The following GRID2 variants were observed in gnomAD, a reference collection of about 807,000 sequenced individuals.
GRID2 encodes the protein glutamate receptor ionotropic, delta-2.
Under a neutral mutation model 114.8 loss-of-function variants are expected in GRID2, and 33 were observed. That is an observed-to-expected ratio of 0.29 (90% CI 0.22 to 0.38). The LOEUF (loss-of-function observed/expected upper bound fraction) is 0.38. Ranked by LOEUF, GRID2 falls within the 10% of genes least tolerant of loss-of-function variation. The pLI is 1.00. For synonymous variants in GRID2, 505 were observed against 449.9 expected (o/e 1.12, Z -1.55); for missense variants, 1,184 against 1,257.7 (o/e 0.94, Z 0.89).
chr4:93,012,698 A>C (rs1392103612), intron 2 of GRID2, among the ~76,000 whole-genome samples: 1 of 152,062 alleles, frequency 6.6e-6, no homozygotes, highest in East Asian at 1.9e-4. Context: ...GTGCTATTAA[A>C]ATCTCTACAA....
At chr4:92,892,310 A>T (rs1746848392) in intron 2 of GRID2, among the ~76,000 whole-genome samples, 2 of 152,124 alleles carry the variant, frequency 1.3e-5, no homozygotes, top group South Asian at 4.1e-4. Flanking sequence ...TTAAAAAAAA[A>T]TTGAGGGAAC....
intron 11 of GRID2, among the ~76,000 whole-genome samples, chr4:93,464,719 TA>T (rs1724108184): frequency 2.0e-5 from 3 of 152,162 alleles, no homozygotes; most frequent in Non-Finnish European, 4.4e-5. Context: ...TAACAAAAGA[TA>T]AATGCATGAC....
At chr4:93,612,499 C>T (rs1741057755) in intron 13 of GRID2, among the ~76,000 whole-genome samples, 1 of 120,860 alleles carries the variant, frequency 8.3e-6, no homozygotes, top group South Asian at 3.0e-4. Flanking sequence ...TCTTTTAGGG[C>T]AGGCCTGGTG....
chr4:93,060,380 T>A (rs1727669584), intron 2 of GRID2, among the ~76,000 whole-genome samples: 1 of 152,190 alleles, frequency 6.6e-6, no homozygotes, highest in South Asian at 2.1e-4. Context: ...CCTGCTATAT[T>A]CTGATAAAGT....
intron 1 of GRID2, among the ~76,000 whole-genome samples, chr4:92,372,578 T>C (rs1729168678): frequency 6.6e-6 from 1 of 152,170 alleles, no homozygotes; most frequent in Admixed American, 6.6e-5. Flanking sequence ...TATAGTTTAG[T>C]GTAAACGTGA....
At chr4:93,564,436 G>A (rs1291725056) in intron 13 of GRID2, among the ~76,000 whole-genome samples, 11 of 151,898 alleles carry the variant, frequency 7.2e-5, no homozygotes, top group Admixed American at 2.0e-4. Flanking sequence ...AGTTAAGGTC[G>A]CACTGAGTGC....
intron 11 of GRID2, among the ~76,000 whole-genome samples, chr4:93,480,905 C>A (rs1284650689): frequency 2.7e-5 from 4 of 146,750 alleles, no homozygotes; most frequent in Non-Finnish European, 6.2e-5. Context: ...CTCCCTGAAT[C>A]TCTACAGTAG....
chr4:93,660,407 GA>G (rs1397641331), intron 14 of GRID2, among the ~76,000 whole-genome samples: 4 of 151,802 alleles, frequency 2.6e-5, no homozygotes, highest in African/African-American at 7.3e-5. Context: ...TTCATAATGA[GA>G]AAAAAAGGAA....
chr4:93,016,005 A>C (rs1484562246), intron 2 of GRID2, among the ~76,000 whole-genome samples: 1 of 151,950 alleles, frequency 6.6e-6, no homozygotes, highest in African/African-American at 2.4e-5. Flanking sequence ...GATAGGTAGT[A>C]TCTACAAAGA....
chr4:93,010,572 T>TA (rs1439072773), intron 2 of GRID2, among the ~76,000 whole-genome samples: 1 of 152,132 alleles, frequency 6.6e-6, no homozygotes, highest in Non-Finnish European at 1.5e-5. Context: ...CCTTAGCACA[T>TA]ATAGACTTTC....
intron 8 of GRID2, among the ~76,000 whole-genome samples, chr4:93,286,677 ATG>A (rs138689003): frequency 0.27 from 14,573 of 54,800 alleles, 787 homozygotes; most frequent in Middle Eastern, 0.51. Context: ...GCTTTTGTGT[ATG>A]TGTGTGTGTG....
intron 13 of GRID2, among the ~76,000 whole-genome samples, chr4:93,618,156 A>G (rs531504089): frequency 1.3e-5 from 2 of 152,222 alleles, no homozygotes; most frequent in South Asian, 2.1e-4. Context: ...CAATTCATCT[A>G]TTCAATACTT....
chr4:92,331,286 C>T (rs1726875545), intron 1 of GRID2, among the ~76,000 whole-genome samples: 1 of 152,108 alleles, frequency 6.6e-6, no homozygotes, highest in African/African-American at 2.4e-5. Flanking sequence ...GTGCTAACCA[C>T]AAAAAGTGCC....
chr4:93,508,466 A>T (rs1242075489), intron 12 of GRID2, among the ~76,000 whole-genome samples: 1 of 152,120 alleles, frequency 6.6e-6, no homozygotes, highest in Non-Finnish European at 1.5e-5. Flanking sequence ...AAGGGCTGGG[A>T]TTACAGGCAT....
intron 8 of GRID2, among the ~76,000 whole-genome samples, chr4:93,289,890 GA>G (rs879814100): frequency 3.3e-5 from 5 of 151,962 alleles, no homozygotes; most frequent in Non-Finnish European, 7.4e-5. Flanking sequence ...AACAATAAGG[GA>G]AAAAAATTGG....
chr4:93,165,830 A>T (rs1188277020), intron 4 of GRID2, among the ~76,000 whole-genome samples: 2 of 152,108 alleles, frequency 1.3e-5, no homozygotes, highest in Non-Finnish European at 2.9e-5. Flanking sequence ...GCGCAAAACC[A>T]CCTATTAGAA....
Position 93,084,986 on chromosome 4 carries a change from T to C in GRID2, c.245-9T>C. ...CTGACATTTTGAATATTACTGTGCT[T>C]TCTTGCAGCCTGTGAACTTATGAAT... On this transcript the variant is annotated splice_polypyrimidine_tract_variant and intron_variant, in intron 2 of 15. Coordinates refer to ENST00000282020, the MANE Select transcript of GRID2 (RefSeq NM_001510.4). The C allele has an allele frequency of 6.2e-7, 1 of 1,611,626 alleles. No homozygotes were observed. Among genetic ancestry groups the C allele is most frequent in the Non-Finnish European group, 8.5e-7 (1 of 1,177,886 alleles).
intron 8 of GRID2, among the ~76,000 whole-genome samples, chr4:93,345,662 G>A (rs1760153348): frequency 6.6e-6 from 1 of 151,982 alleles, no homozygotes; most frequent in East Asian, 1.9e-4. Context: ...CCATTTGTCT[G>A]TTTTGTTGCC....
At chr4:93,660,161 G>A (rs1723360076) in intron 14 of GRID2, among the ~76,000 whole-genome samples, 1 of 151,868 alleles carries the variant, frequency 6.6e-6, no homozygotes, top group Non-Finnish European at 1.5e-5. Flanking sequence ...AAAAGTGGCG[G>A]GTATCCTGTA....
Sources: allele counts gnomAD v4.1 joint callset (sites outside exome capture counted in the v4.1 genomes callset), GRCh38; gene constraint gnomAD v4.1.1; transcripts MANE v1.5; gene names NCBI Gene and HGNC (gene_info 2026-07-23, HGNC 2026-07-21).